SDHA: variants seen among roughly 807,000 people sequenced by gnomAD.
SDHA encodes succinate dehydrogenase [ubiquinone] flavoprotein subunit, mitochondrial.
SDHA carries 48 observed loss-of-function variants against 78.4 expected under a neutral mutation model. The observed-to-expected ratio is 0.61, with a 90% CI of 0.49 to 0.78. The LOEUF (loss-of-function observed/expected upper bound fraction) is 0.78, where lower values mean the gene tolerates loss of function less well. Among genes scored for constraint, SDHA ranks in the 30% least tolerant of loss-of-function variants. The probability of loss-of-function intolerance (pLI) is 0.00; values close to 1 mark genes in which losing one functional copy is unlikely to be tolerated. For synonymous variants in SDHA, 326 were observed against 353.9 expected (o/e 0.92, Z 0.88); for missense variants, 680 against 892.7 (o/e 0.76, Z 3.04).
Position 233,723 on chromosome 5 carries a change from G to A in SDHA, c.1064+78G>A, listed in dbSNP as rs746412472. Reference sequence around the variant, plus strand: ...GCTTCTGTGAGTTTCAGCACCGCTCGCCCTCACCTTCGTGTGCAGGCGCAT... The same window carrying A: ...GCTTCTGTGAGTTTCAGCACCGCTCACCCTCACCTTCGTGTGCAGGCGCAT... On this transcript the variant is annotated intron_variant, in intron 8 of 14. Transcript: ENST00000264932. 1.5e-5 allele frequency: 22 copies of A among 1,435,062 alleles called. No individual in the cohort carries two copies. In the East Asian group the frequency reaches 1.8e-4, roughly 12 times the overall value. 88.9% of individuals were successfully genotyped at this position (1,435,062 alleles called of 1,614,324 possible).
rs530097996 is a variant in SDHA, at chr5:225,303, G to A, written c.313-116G>A. 3.0e-6 allele frequency: 4 copies of A among 1,330,260 alleles called. No homozygotes were observed. In the African/African-American group the frequency reaches 4.3e-5, roughly 14 times the overall value. The allele number at this position is 1,330,260 out of a possible 1,614,324, so 82.4% of individuals were successfully genotyped here. ...CTCTGCTGAGGTCAGCCCTCACTGG[G>A]AGTCACTGTGTGAGTAGTTGGCTTT... On this transcript the variant is annotated intron_variant, in intron 3 of 14. Transcript: ENST00000264932.
In SDHA at chr5:251,370, C is replaced by G. The variant is rs142936520; in HGVS notation, c.1696C>G (p.Leu566Val). ...CTGGAACACGGACCTGGTGGAGACC[C>G]TGGAGCTGCAGAACCTGATGCTGTG... ...MVWNTDLVET[L>V]ELQNLMLCAL... The change falls in exon 13 of 15, where the codon CTG becomes GTG. Residue 566 changes from leucine to valine, a missense_variant. Coordinates refer to ENST00000264932, the MANE Select transcript of SDHA (RefSeq NM_004168.4). 1.2e-6 allele frequency: 2 copies of G among 1,613,660 alleles called. No individual in the cohort carries two copies. The highest frequency in any genetic ancestry group is 1.7e-6 in the Non-Finnish European group (2 of 1,179,816).
At chr5:218,707 C>T (rs1734528367) in intron 1 of SDHA, among the ~76,000 whole-genome samples, 1 of 151,766 alleles carries the variant, frequency 6.6e-6, no homozygotes. Context: ...GGCCTGGGGT[C>T]CTGGGACCCC....
At chr5:260,079 T>C (rs247073), downstream of SDHA, among the ~76,000 whole-genome samples, 231 of 8,114 alleles carry the variant, frequency 0.028, 3 homozygotes, top group Admixed American at 0.042. Context: ...CCGCCTCCCG[T>C]CAGAGCATTA....
intron 14 of SDHA, among the ~76,000 whole-genome samples, chr5:255,031 G>T (rs762677163): frequency 1.5e-4 from 22 of 146,102 alleles, no homozygotes; most frequent in Non-Finnish European, 6.0e-5. Flanking sequence ...GGTGGGGTTG[G>T]GGTGAGCAGT....
At chr5:254,823 G>A (rs183542501) in intron 14 of SDHA, among the ~76,000 whole-genome samples, 225 of 152,130 alleles carry the variant, frequency 1.5e-3, no homozygotes, top group Non-Finnish European at 7.4e-4. Context: ...TGTGGACCTA[G>A]CGAGAAAGCA....
the SDHA span, among the ~76,000 whole-genome samples, chr5:262,307 C>A: frequency 5.9e-4 from 46 of 78,008 alleles, 8 homozygotes; most frequent in African/African-American, 2.1e-3. Context: ...ACCGTGTGAG[C>A]TCCGCCTCCC....
Position 251,790 on chromosome 5 carries a change from C to A in SDHA, c.1794+322C>A, listed in dbSNP as rs1049913730. ...AAATAAATGCCAGTTTATTAAATAA[C>A]GAGTAAGCCATCATTTCAAGCCTGC... On this transcript the variant is annotated intron_variant, in intron 13 of 14. Transcript: ENST00000264932. 8 of 1,285,846 alleles carry A rather than the reference C, an allele frequency of 6.2e-6. No homozygotes were observed. In the Admixed American group the frequency reaches 1.5e-4, roughly 25 times the overall value. 79.7% of individuals were successfully genotyped at this position (1,285,846 alleles called of 1,614,324 possible).
intron 7 of SDHA, 78 bp from the exon 8 acceptor site, chr5:233,399 A>T: frequency 6.6e-7 from 1 of 1,516,254 alleles, no homozygotes. Flanking sequence ...TCCCCCAAAA[A>T]ATGTCTTGAA....
rs992086263 is a variant in SDHA at position 237,554 on chromosome 5, G to C, written c.1432+955G>C. The stretch of plus-strand genomic sequence containing the variant: ...CAGACATCCTCACGGTGGTTATCCA[G>C]CCTCGTGTGCTCAGAACAGTGTGAG... On this transcript the variant is annotated intron_variant, in intron 10 of 14. Coordinates refer to ENST00000264932, the MANE Select transcript of SDHA (RefSeq NM_004168.4). 1.1e-4 allele frequency among the ~76,000 whole-genome samples: 15 copies of C among 134,572 alleles called. 3 individuals carry two copies. Among genetic ancestry groups the C allele is most frequent in the Non-Finnish European group, 2.1e-4 (14 of 66,444 alleles). 88.3% of individuals were successfully genotyped at this position (134,572 alleles called of 152,430 possible).
intron 10 of SDHA, among the ~76,000 whole-genome samples, chr5:237,514 C>G (rs1454421162): frequency 7.5e-6 from 1 of 133,636 alleles, no homozygotes; most frequent in Non-Finnish European, 1.5e-5. Context: ...GGGCAGTTAG[C>G]ATCTCTCCCA....
At chr5:226,888 C>T (rs1362281068) in intron 5 of SDHA, among the ~76,000 whole-genome samples, 2 of 148,896 alleles carry the variant, frequency 1.3e-5, no homozygotes, top group Non-Finnish European at 3.0e-5. Context: ...GAGATCGCAC[C>T]CCTGCACTCC....
downstream of SDHA, among the ~76,000 whole-genome samples, chr5:260,810 C>A (rs1281942596): frequency 4.1e-4 from 6 of 14,504 alleles, 1 homozygote; most frequent in Non-Finnish European, 7.9e-4. Flanking sequence ...AGCTCCGCCT[C>A]CTGCCAGAGC....
the SDHA span, among the ~76,000 whole-genome samples, chr5:265,903 T>C: frequency 6.6e-6 from 1 of 151,762 alleles, no homozygotes; most frequent in Non-Finnish European, 1.5e-5. Context: ...GGAGGGACCC[T>C]ACCCGAGACC....
At chr5:242,488 G>C (rs926288538) in intron 11 of SDHA, among the ~76,000 whole-genome samples, 6 of 152,206 alleles carry the variant, frequency 3.9e-5, no homozygotes, top group South Asian at 2.1e-4. Flanking sequence ...CTTATGACTG[G>C]CTTGCTCTCA....
At chr5:224,323 G>A (rs755493426) in intron 2 of SDHA, 37 bp from the exon 3 acceptor site, 34 of 1,604,754 alleles carry the variant, frequency 2.1e-5, no homozygotes, top group Non-Finnish European at 2.8e-5. Flanking sequence ...TTGGCATAGT[G>A]GAACATGTGA....
At chr5:266,593 C>A in the SDHA span, among the ~76,000 whole-genome samples, 1 of 152,158 alleles carries the variant, frequency 6.6e-6, no homozygotes, top group Non-Finnish European at 1.5e-5. Context: ...AAAGTGAACC[C>A]ATGTGTGTGA....
intron 6 of SDHA, among the ~76,000 whole-genome samples, chr5:230,022 T>C (rs139648572): frequency 6.7e-5 from 10 of 149,346 alleles, no homozygotes; most frequent in African/African-American, 2.3e-4. Context: ...CTAGAGTTAA[T>C]ATTATACAGC....
At chr5:251,670 G>A (rs183512666) in intron 13 of SDHA, 61 of 1,508,294 alleles carry the variant, frequency 4.0e-5, no homozygotes, top group Admixed American at 8.0e-5. Flanking sequence ...GCTTTGGGTC[G>A]GCATCCACTG....
Sources: gnomAD v4.1 joint callset for allele counts (sites outside exome capture counted in the v4.1 genomes callset) on GRCh38, gnomAD v4.1.1 for gene constraint, MANE v1.5 for transcripts, NCBI Gene and HGNC (gene_info 2026-07-23, HGNC 2026-07-21) for gene names.